Variants in LRBA observed in about 807,000 individuals in gnomAD.
LRBA encodes LPS responsive beige-like anchor protein, also known as lipopolysaccharide-responsive and beige-like anchor protein.
A neutral mutation model predicts 330.0 loss-of-function variants in LRBA; 176 were observed. The ratio of observed to expected loss-of-function variants is 0.53; its 90% CI spans 0.47 to 0.60. The LOEUF (loss-of-function observed/expected upper bound fraction) is 0.60. LRBA is among the 20% of genes least tolerant of loss of function. LRBA has a pLI of 0.00. For synonymous variants in LRBA, 1,230 were observed against 1,193.0 expected, an observed-to-expected ratio of 1.03 and a Z score of -0.64; for missense variants, 3,259 against 3,444.8, an observed-to-expected ratio of 0.95 and a Z score of 1.35.
intron 23 of LRBA, 115 bp from the exon 24 acceptor site, chr4:150,851,017 A>T (rs904622519): frequency 1.5e-6 from 1 of 653,326 alleles, no homozygotes; most frequent in South Asian, 2.4e-5. Flanking sequence ...TTAAGACACT[A>T]TAAGAACCAA....
At chr4:150,730,395 T>C in intron 36 of LRBA, among the ~76,000 whole-genome samples, 1 of 151,974 alleles carries the variant, frequency 6.6e-6, no homozygotes, top group Non-Finnish European at 1.5e-5. Context: ...CATGAAAAGG[T>C]GTTCAGGCCG....
intron 40 of LRBA, among the ~76,000 whole-genome samples, chr4:150,587,710 C>T (rs936649747): frequency 6.6e-6 from 1 of 151,770 alleles, no homozygotes; most frequent in African/African-American, 2.4e-5. Flanking sequence ...CAAAATAATT[C>T]CACTCTCAAT....
At chr4:150,545,606 T>A (rs1404700219) in intron 40 of LRBA, among the ~76,000 whole-genome samples, 2 of 152,166 alleles carry the variant, frequency 1.3e-5, no homozygotes, top group Non-Finnish European at 2.9e-5. Context: ...TTATATAATA[T>A]CTAAAACCAT....
intron 47 of LRBA, among the ~76,000 whole-genome samples, chr4:150,362,238 TCTC>T (rs914529418): frequency 1.1e-4 from 17 of 152,112 alleles, no homozygotes; most frequent in African/African-American, 3.9e-4. Context: ...CATCTTGACT[TCTC>T]CTTTCCCCTC....
chr4:150,510,250 A>C (rs182825923), intron 40 of LRBA, among the ~76,000 whole-genome samples: 244 of 152,314 alleles, frequency 1.6e-3, no homozygotes, highest in African/African-American at 5.7e-3. Context: ...AATCTTCCCA[A>C]AAAGTAAACT....
At chr4:150,381,571 C>T (rs1237622118) in intron 47 of LRBA, among the ~76,000 whole-genome samples, 4 of 152,218 alleles carry the variant, frequency 2.6e-5, no homozygotes, top group African/African-American at 7.2e-5. Context: ...TATGGATACA[C>T]CATATTGTGT....
In LRBA at chr4:150,666,307, C is replaced by T. The variant is rs549803518; in HGVS notation, c.5921+17244G>A. Among the ~76,000 whole-genome samples the T allele has an allele frequency of 1.1e-4, 16 of 152,112 alleles. No homozygotes were observed. In the South Asian group the frequency reaches 2.7e-3, roughly 26 times the overall value. ...CAGCACTTTGGGAGGCTGAGGCAGG[C>T]GGTTCACTTGAGGTCAGGGATTCTA... On this transcript the variant is annotated intron_variant, in intron 37 of 56. Transcript: ENST00000651943.
At chr4:150,547,918 C>T (rs4696518) in intron 40 of LRBA, among the ~76,000 whole-genome samples, 3 of 151,850 alleles carry the variant, frequency 2.0e-5, no homozygotes, top group African/African-American at 7.3e-5. Context: ...AATAATTTTT[C>T]GCTTTATAAA....
intron 2 of LRBA, among the ~76,000 whole-genome samples, chr4:151,007,653 C>G (rs1396134380): frequency 6.6e-6 from 1 of 151,310 alleles, no homozygotes; most frequent in African/African-American, 2.4e-5. Context: ...GTCAGGAGAT[C>G]GAGACCATCC....
chr4:150,368,164 A>T (rs1739745254), intron 47 of LRBA, among the ~76,000 whole-genome samples: 1 of 152,170 alleles, frequency 6.6e-6, no homozygotes, highest in Non-Finnish European at 1.5e-5. Flanking sequence ...ATGCTGCTGT[A>T]GTCCTCCGAG....
intron 28 of LRBA, among the ~76,000 whole-genome samples, chr4:150,835,218 T>C (rs1478195871): frequency 1.3e-5 from 2 of 152,212 alleles, no homozygotes; most frequent in African/African-American, 4.8e-5. Flanking sequence ...CCTTATAGTA[T>C]AGCTTGAAGT....
At position 150,808,388 on chromosome 4, in the gene LRBA, T is replaced by C; in HGVS notation, c.5316A>G (p.Ser1772=). The change falls in exon 32 of 57, where the codon TCA becomes TCG. Residue 1772 remains serine, a synonymous_variant. Transcript: ENST00000651943. ...DMGGESPGSR[S]SNAKLPSVPT... The stretch of plus-strand genomic sequence containing the variant: ...GAACTGAGGGCAATTTTGCATTAGA[T>C]GATCTACTGCCTATAAAAGAAAAAT... 8 of 1,602,622 alleles carry C rather than the reference T, an allele frequency of 5.0e-6. No homozygotes were observed. The highest frequency in any genetic ancestry group is 6.0e-6 in the Non-Finnish European group (7 of 1,170,260).
rs138844583 is a variant in LRBA, at chr4:150,695,948, C to A, written c.5755-12231G>T. On this transcript the variant is annotated intron_variant, in intron 36 of 56. Transcript: ENST00000651943. ...TAAATCTTACACTTAAATATCAAGG[C>A]CAGACATGGTGGCTCACACCTCTAA... Among the ~76,000 whole-genome samples the A allele has an allele frequency of 4.2e-3, 646 of 152,262 alleles. 4 individuals are homozygous for A. Among genetic ancestry groups the A allele is most frequent in the African/African-American group, 0.015 (625 of 41,540 alleles).
intron 36 of LRBA, among the ~76,000 whole-genome samples, chr4:150,686,999 T>C (rs1446954203): frequency 3.3e-5 from 5 of 152,106 alleles, no homozygotes; most frequent in Admixed American, 6.5e-5. Context: ...TTTTCATATC[T>C]GACATAAAAT....
chr4:150,678,156 G>A (rs1203620527), intron 37 of LRBA, among the ~76,000 whole-genome samples: 1 of 151,754 alleles, frequency 6.6e-6, no homozygotes, highest in Non-Finnish European at 1.5e-5. Flanking sequence ...CAGGATAACT[G>A]CTTGAACCCA....
At position 150,436,058 on chromosome 4, in the gene LRBA, A is replaced by G. The variant is rs924284429; in HGVS notation, c.6922-350T>C. 6.6e-5 allele frequency among the ~76,000 whole-genome samples: 10 copies of G among 152,254 alleles called. No individual in the cohort carries two copies. In the South Asian group the frequency reaches 1.9e-3, roughly 28 times the overall value. On this transcript the variant is annotated intron_variant, in intron 45 of 56. Transcript: ENST00000651943. ...GTAGTTTTCCTATTGTTATGGCTCA[A>G]TATTTAATTTATGATTAAGAAAAGA...
chr4:150,777,972 C>CA (rs57988391), intron 34 of LRBA, among the ~76,000 whole-genome samples: 657 of 65,614 alleles, frequency 0.01, 38 homozygotes, highest in African/African-American at 0.024. Flanking sequence ...GACTCTGTTT[C>CA]AAAAAAAAAA....
At chr4:150,652,268 C>T (rs558923494) in intron 37 of LRBA, among the ~76,000 whole-genome samples, 1 of 152,250 alleles carries the variant, frequency 6.6e-6, no homozygotes, top group East Asian at 1.9e-4. Flanking sequence ...CTCTTAACAG[C>T]TAGTTTGTTC....
At chr4:151,007,410 CAGG>C (rs1427728775) in intron 2 of LRBA, among the ~76,000 whole-genome samples, 3 of 150,726 alleles carry the variant, frequency 2.0e-5, no homozygotes, top group Non-Finnish European at 4.4e-5. Flanking sequence ...GAGGCTGAGG[CAGG>C]AGAATAGTGT....
Sources: gnomAD v4.1 joint callset for allele counts (sites outside exome capture counted in the v4.1 genomes callset) on GRCh38, gnomAD v4.1.1 for gene constraint, MANE v1.5 for transcripts, NCBI Gene and HGNC (gene_info 2026-07-23, HGNC 2026-07-21) for gene names.